Variants in DDX46 observed in about 807,000 individuals in gnomAD.
The protein encoded by DDX46 is probable ATP-dependent RNA helicase DDX46.
DDX46 carries 30 observed loss-of-function variants against 134.9 expected under a neutral mutation model. The ratio of observed to expected loss-of-function variants is 0.22; its 90% CI spans 0.17 to 0.30. DDX46 has a LOEUF of 0.30. DDX46 is among the 10% of genes least tolerant of loss of function. The probability of loss-of-function intolerance (pLI) is 1.00; values close to 1 mark genes in which losing one functional copy is unlikely to be tolerated. For synonymous variants in DDX46, 415 were observed against 404.1 expected (o/e 1.03, Z -0.32); for missense variants, 622 against 1,248.7 (o/e 0.50, Z 7.56).
At chr5:134,785,349 C>T (rs1001584022) in intron 10 of DDX46, 116 bp from the exon 11 acceptor site, 2 of 1,325,412 alleles carry the variant, frequency 1.5e-6, no homozygotes, top group Admixed American at 2.9e-5. Context: ...GGATGCATAA[C>T]AAAACAAAAA....
At position 134,774,880 on chromosome 5, in the gene DDX46, T is replaced by A. The variant is rs1753886332; in HGVS notation, c.613+1019T>A. ...TTCTTTTTTCTTTTTTGACAGAGTC[T>A]TGCTCTGTCACCCAGGCGGCACTGC... On this transcript the variant is annotated intron_variant, in intron 5 of 22. Coordinates refer to ENST00000452510, the MANE Select transcript of DDX46 (RefSeq NM_001300860.2). 2.0e-5 allele frequency among the ~76,000 whole-genome samples: 3 copies of A among 152,034 alleles called. No individual in the cohort carries two copies. In the South Asian group the frequency reaches 6.2e-4, roughly 32 times the overall value.
chr5:134,800,601 A>G (rs902827861), intron 15 of DDX46, among the ~76,000 whole-genome samples: 2 of 152,144 alleles, frequency 1.3e-5, no homozygotes, highest in African/African-American at 4.8e-5. Context: ...TCGTGTCCCT[A>G]TAAAGGTAAT....
chr5:134,772,899 C>T lies in DDX46; in HGVS notation c.448-797C>T, dbSNP rs186116209. ...TCGCTGCAACCTCTGCCTCCTGAGT[C>T]GAAGCAATTCTCCTGCTTCAGCCTC... On this transcript the variant is annotated intron_variant, in intron 4 of 22. Transcript: ENST00000452510. 9.2e-5 allele frequency among the ~76,000 whole-genome samples: 14 copies of T among 152,138 alleles called. No individual in the cohort carries two copies. The South Asian group carries it at 1.0e-3, about 11-fold the overall frequency.
chr5:134,789,267 A>G (rs1754433141), intron 12 of DDX46: 2 of 152,356 alleles, frequency 1.3e-5, no homozygotes, highest in African/African-American at 2.4e-5. Flanking sequence ...CATCAAAGGT[A>G]GGTAATTTAA....
intron 22 of DDX46, 64 bp from the exon 23 acceptor site, chr5:134,828,594 GT>G (rs34675300): frequency 0.65 from 518,493 of 802,486 alleles, 130,277 homozygotes; most frequent in African/African-American, 0.87. Flanking sequence ...TGGTTGGTTC[GT>G]TTTTTTTTTT....
At position 134,809,332 on chromosome 5, in the gene DDX46, A is replaced by G. The variant is rs901339882; in HGVS notation, c.2148+1391A>G. On this transcript the variant is annotated intron_variant, in intron 16 of 22. Transcript: ENST00000452510. ...CCCCGTAGGAGTACAAAAGCAGACCATGGGTCAAAGGCAGTGGCTATTTAG... is the reference window on the plus strand; with the variant it reads ...CCCCGTAGGAGTACAAAAGCAGACCGTGGGTCAAAGGCAGTGGCTATTTAG... Among the ~76,000 whole-genome samples, 4 of 152,264 alleles carry G rather than the reference A, an allele frequency of 2.6e-5. No homozygotes were observed. In the East Asian group the frequency reaches 5.8e-4, roughly 22 times the overall value.
intron 8 of DDX46, among the ~76,000 whole-genome samples, chr5:134,782,332 C>G (rs151325139): frequency 7.3e-4 from 111 of 152,084 alleles, no homozygotes; most frequent in Non-Finnish European, 1.3e-3. Flanking sequence ...ACAGTGAAAC[C>G]CCGTCTCTAC....
chr5:134,798,061 C>T (rs553661606), intron 15 of DDX46, among the ~76,000 whole-genome samples: 1 of 152,298 alleles, frequency 6.6e-6, no homozygotes, highest in African/African-American at 2.4e-5. Flanking sequence ...ATCCGCCCAC[C>T]TCAGCCTCCC....
intron 6 of DDX46, among the ~76,000 whole-genome samples, chr5:134,780,138 G>GTGTGTGTGTGTGTGTGTA (rs1158560431): frequency 7.0e-6 from 1 of 142,426 alleles, no homozygotes; most frequent in East Asian, 2.1e-4. Flanking sequence ...GTGTGTGTGT[G>GTGTGTGTGTGTGTGTGTA]TATATGTATA....
At chr5:134,796,367 C>A (rs1168015346) in intron 15 of DDX46, among the ~76,000 whole-genome samples, 3 of 152,138 alleles carry the variant, frequency 2.0e-5, no homozygotes, top group African/African-American at 7.2e-5. Context: ...AGTTCCATCG[C>A]CATTTATCAA....
chr5:134,763,947 C>A lies in DDX46; in HGVS notation c.61C>A (p.Arg21=). ...GGCATCCCGGGGTCGCTCTGGAAGT[C>A]GGTCTAGAAGTCGCTCACCCTCAGA... The part of the protein sequence containing the change: ...RSASRGRSGS[R]SRSRSPSDKR... The change falls in exon 2 of 23, where the codon CGG becomes AGG. Residue 21 remains arginine (R), a synonymous_variant. Coordinates refer to ENST00000452510, the MANE Select transcript of DDX46 (RefSeq NM_001300860.2). 2 of 1,614,124 alleles carry A rather than the reference C, an allele frequency of 1.2e-6. No individual in the cohort carries two copies. Among genetic ancestry groups the A allele is most frequent in the Non-Finnish European group, 1.7e-6 (2 of 1,180,008 alleles).
At chr5:134,813,884 C>G (rs1337350235) in intron 18 of DDX46, among the ~76,000 whole-genome samples, 1 of 152,028 alleles carries the variant, frequency 6.6e-6, no homozygotes, top group African/African-American at 2.4e-5. Context: ...CTCAGCCTCC[C>G]AAAGTGATGG....
chr5:134,777,079 G>A (rs372572759), intron 5 of DDX46, among the ~76,000 whole-genome samples: 3 of 152,212 alleles, frequency 2.0e-5, no homozygotes, highest in East Asian at 1.9e-4. Flanking sequence ...GCATGGTGGC[G>A]GGCACCTGTA....
At position 134,829,829 on chromosome 5, in the gene DDX46, GT is replaced by G. The variant is rs769259292; in HGVS notation, c.*1124del. On this transcript the variant is annotated 3_prime_UTR_variant, in exon 23 of 23. Coordinates refer to ENST00000452510, the MANE Select transcript of DDX46 (RefSeq NM_001300860.2). Reference sequence around the variant, plus strand: ...CAAAAATTAGTCGGCATGGTGGTGGGTGGCTGTAATCCCAGCTACTCAGGAG... The same window carrying G: ...CAAAAATTAGTCGGCATGGTGGTGGGGGCTGTAATCCCAGCTACTCAGGAG... The G allele has an allele frequency of 2.6e-5, 4 of 151,922 alleles. No homozygotes were observed. The highest frequency in any genetic ancestry group is 4.4e-5 in the Non-Finnish European group (3 of 68,022). The allele number at this position is 151,922 out of a possible 1,614,324, so 9.4% of individuals were successfully genotyped here. A position where few individuals can be genotyped will look rare whatever the true frequency, so the allele number is the denominator to read the frequency against.
At chr5:134,795,856 C>T (rs1375182087) in intron 14 of DDX46, 132 bp from the exon 15 acceptor site, 3 of 843,036 alleles carry the variant, frequency 3.6e-6, no homozygotes, top group Non-Finnish European at 5.3e-6. Context: ...TTAAAATCAA[C>T]ATCTTCCTAG....
chr5:134,781,542 A>G (rs1261033828), intron 7 of DDX46, among the ~76,000 whole-genome samples: 1 of 152,206 alleles, frequency 6.6e-6, no homozygotes, highest in Non-Finnish European at 1.5e-5. Context: ...TCTTTCCATT[A>G]ACACGTAAAG....
In DDX46 at chr5:134,784,531, G is replaced by A; in HGVS notation, c.1332G>A (p.Glu444=). 1 of 1,598,430 alleles carries A rather than the reference G, an allele frequency of 6.3e-7. No individual in the cohort carries two copies. The highest frequency in any genetic ancestry group is 8.5e-7 in the Non-Finnish European group (1 of 1,175,130). The change falls in exon 10 of 23, where the codon GAG becomes GAA. Residue 444 remains glutamate, a synonymous_variant. Transcript: ENST00000452510. The stretch of plus-strand genomic sequence containing the variant: ...ATCAGAGGTCATTAGAGGAAGGAGA[G>A]GGGCCAATAGGTACAATTCTTTTCA... ...IMDQRSLEEG[E]GPIAVIMTPT...
chr5:134,811,156 C>G, intron 16 of DDX46, 65 bp from the exon 17 acceptor site: 1 of 1,414,334 alleles, frequency 7.1e-7, no homozygotes, highest in Non-Finnish European at 9.6e-7. Flanking sequence ...CAGATTTTAT[C>G]TTATGATCTA....
intron 13 of DDX46, among the ~76,000 whole-genome samples, chr5:134,790,982 G>A (rs900859625): frequency 2.2e-4 from 26 of 116,674 alleles, no homozygotes; most frequent in African/African-American, 1.2e-3. Context: ...CCGCCACCAC[G>A]CCCGGTTAAC....
Sources: gnomAD v4.1 joint callset for allele counts (sites outside exome capture counted in the v4.1 genomes callset) on GRCh38, gnomAD v4.1.1 for gene constraint, MANE v1.5 for transcripts, NCBI Gene and HGNC (gene_info 2026-07-23, HGNC 2026-07-21) for gene names.